Variants in ACTR6 observed in about 807,000 individuals in gnomAD.
ACTR6 encodes actin related protein 6.
In ACTR6, 50 loss-of-function variants were observed where a neutral mutation model predicts 52.5. The ratio of observed to expected loss-of-function variants is 0.95; its 90% confidence interval spans 0.76 to 1.20. ACTR6 has a LOEUF of 1.20. Among genes scored for constraint, ACTR6 ranks in the 50% most tolerant of loss-of-function variants. The pLI is 0.00. For synonymous variants in ACTR6, 135 were observed against 147.2 expected (o/e 0.92, Z 0.60); for missense variants, 344 against 472.4 (o/e 0.73, Z 2.52).
Position 100,220,164 on chromosome 12 carries a change from T to C in ACTR6, c.1061+18T>C. 1.2e-6 allele frequency: 2 copies of C among 1,603,528 alleles called. No homozygotes were observed. The highest frequency in any genetic ancestry group is 1.7e-6 in the Non-Finnish European group (2 of 1,173,196). On this transcript the variant is annotated intron_variant, in intron 10 of 10. Coordinates refer to ENST00000188312, the MANE Select transcript of ACTR6 (RefSeq NM_022496.5). ...CCTGAAAAGTAAGTGTTGTTTTATA[T>C]AGAAACGAAACATGGAAGTCCACAT...
intron 1 of ACTR6, 200 bp downstream of exon 1, chr12:100,201,119 G>T (rs1366157455): frequency 5.9e-6 from 8 of 1,355,474 alleles, no homozygotes; most frequent in Non-Finnish European, 7.8e-6. Context: ...TGGGCTGCGA[G>T]GCCCCGGAAG....
At chr12:100,213,798 G>A (rs78126193) in intron 8 of ACTR6, among the ~76,000 whole-genome samples, 5,395 of 152,258 alleles carry the variant, frequency 0.035, 125 homozygotes, top group South Asian at 0.073. Flanking sequence ...AATTACTTCT[G>A]TGGTTAGGTA....
At position 100,207,778 on chromosome 12, in the gene ACTR6, G is replaced by T; in HGVS notation, c.371G>T (p.Arg124Ile). 1.3e-6 allele frequency: 2 copies of T among 1,596,392 alleles called. No individual in the cohort carries two copies. The highest frequency in any genetic ancestry group is 1.7e-6 in the Non-Finnish European group (2 of 1,167,424). The change falls in exon 4 of 11, where the codon AGA becomes ATA. Residue 124 changes from arginine to isoleucine, a missense_variant. Coordinates refer to ENST00000188312, the MANE Select transcript of ACTR6 (RefSeq NM_022496.5). ...GAATACCAGTTTCAAGCAGTATTAA[G>T]AGTAAATGGTGAGTTCAAGTTTTCA... ...FEEYQFQAVL[R>I]VNAGALSAHR...
At chr12:100,214,829 T>C in intron 8 of ACTR6, among the ~76,000 whole-genome samples, 1 of 152,134 alleles carries the variant, frequency 6.6e-6, no homozygotes, top group South Asian at 2.1e-4. Context: ...AGATAGATGA[T>C]GGGATAAGGT....
chr12:100,210,939 A>G (rs1015136697), intron 6 of ACTR6, among the ~76,000 whole-genome samples: 2 of 152,036 alleles, frequency 1.3e-5, no homozygotes, highest in Non-Finnish European at 2.9e-5. Context: ...GGCAACTACT[A>G]ATTGGCTTTC....
intron 1 of ACTR6, 39 bp downstream of exon 1, chr12:100,200,958 C>T: frequency 6.2e-7 from 1 of 1,613,614 alleles, no homozygotes; most frequent in Non-Finnish European, 8.5e-7. Context: ...GATATATACG[C>T]CTAGTGGTTT....
intron 8 of ACTR6, among the ~76,000 whole-genome samples, chr12:100,215,176 C>T (rs1032025608): frequency 6.6e-6 from 1 of 152,132 alleles, no homozygotes; most frequent in African/African-American, 2.4e-5. Context: ...AACCTGTATC[C>T]GTGTTCTCAG....
At chr12:100,214,446 A>ATCCTTAT (rs2096122374) in intron 8 of ACTR6, among the ~76,000 whole-genome samples, 1 of 151,906 alleles carries the variant, frequency 6.6e-6, no homozygotes, top group Non-Finnish European at 1.5e-5. Flanking sequence ...TTAGAAACAG[A>ATCCTTAT]TCCTTATGGC....
intron 1 of ACTR6, 113 bp downstream of exon 1, chr12:100,201,032 A>G: frequency 6.4e-7 from 1 of 1,571,568 alleles, no homozygotes; most frequent in Non-Finnish European, 8.6e-7. Context: ...GCCCTGACTT[A>G]GCCAGAGGGA....
rs2096125552 is a variant in ACTR6 at position 100,218,480 on chromosome 12, TGA to T, written c.821_822del (p.Arg274IlefsTer9). 6.2e-7 allele frequency: 1 copy of T among 1,608,812 alleles called. No homozygotes were observed. Among genetic ancestry groups the T allele is most frequent in the South Asian group, 1.1e-5 (1 of 90,552 alleles). On this transcript the variant is annotated frameshift_variant, in exon 9 of 11. Coordinates refer to ENST00000188312, the MANE Select transcript of ACTR6 (RefSeq NM_022496.5). LOFTEE classifies it high-confidence loss of function. This position sits in a 1 kb window ranked among gnomAD's most constrained non-coding sequence, Gnocchi z 4.2. ...GGGAACAAATTCTTCGTTTGGCCAATGAGAGATTTGCTGTTCCGGAAATACTC... is the reference window on the plus strand; with the variant it reads ...GGGAACAAATTCTTCGTTTGGCCAATGAGATTTGCTGTTCCGGAAATACTC... ...SGEQILRLAN[E>X]RFAVPEILFN...
chr12:100,205,782 T>C, intron 3 of ACTR6, 38 bp downstream of exon 3: 2 of 1,158,032 alleles, frequency 1.7e-6, no homozygotes, highest in Admixed American at 2.7e-5. Context: ...TCTATTTCCA[T>C]GTTTAATTGT....
chr12:100,216,499 C>T (rs2096124046), intron 8 of ACTR6, among the ~76,000 whole-genome samples: 1 of 152,190 alleles, frequency 6.6e-6, no homozygotes. Context: ...GGCTTTAGTG[C>T]TAACATTTAA....
At chr12:100,201,123 CCG>C in intron 1 of ACTR6, 1 of 1,341,620 alleles carries the variant, frequency 7.5e-7, no homozygotes, top group Non-Finnish European at 9.8e-7. Context: ...CTGCGAGGCC[CCG>C]GAAGTGGGAT....
chr12:100,210,213 G>C lies in ACTR6; in HGVS notation c.515+5G>C. On this transcript the variant is annotated splice_donor_5th_base_variant and intron_variant, in intron 5 of 10. Transcript: ENST00000188312. The stretch of plus-strand genomic sequence containing the variant: ...GAAAAAAGAAGCAATTATTCGGTGA[G>C]TTGTATTTAATTTTCATGTTGTTTC... 1 of 1,602,862 alleles carries C rather than the reference G, an allele frequency of 6.2e-7. No homozygotes were observed. The highest frequency in any genetic ancestry group is 8.5e-7 in the Non-Finnish European group (1 of 1,172,954).
intron 1 of ACTR6, among the ~76,000 whole-genome samples, chr12:100,203,179 C>T (rs537993044): frequency 6.6e-6 from 1 of 152,300 alleles, no homozygotes; most frequent in East Asian, 1.9e-4. Context: ...CTGGTGCTCA[C>T]CTCTTGCTAT....
rs2096109706 is a variant in ACTR6, at chr12:100,201,560, T to C, written c.68+641T>C. Among the ~76,000 whole-genome samples the C allele has an allele frequency of 2.6e-5, 4 of 152,382 alleles. 1 individual carries two copies. The South Asian group carries it at 8.3e-4, about 32-fold the overall frequency. ...TCCTTCCTCCCTCCTTTCCTTCTTT[T>C]TCATTTCTTTTGAAACAGAAATGAA... On this transcript the variant is annotated intron_variant, in intron 1 of 10. Transcript: ENST00000188312.
At position 100,200,868 on chromosome 12, in the gene ACTR6, T is replaced by G; in HGVS notation, c.17T>G (p.Leu6Arg). The G allele has an allele frequency of 6.2e-7, 1 of 1,614,136 alleles. No homozygotes were observed. The highest frequency in any genetic ancestry group is 1.1e-5 in the South Asian group (1 of 91,084). The change falls in exon 1 of 11, where the codon CTG becomes CGG. Residue 6 changes from leucine to arginine, a missense_variant. Leu to Arg is a moderately radical substitution (Grantham distance 102). Coordinates refer to ENST00000188312, the MANE Select transcript of ACTR6 (RefSeq NM_022496.5). MTTLV[L>R]DNGAYNAKIG... ...GGTGGTGAGATGACGACCTTAGTGC[T>G]GGATAATGGAGCTTACAACGCCAAA...
At chr12:100,215,545 C>CAGGATA (rs2153900676) in intron 8 of ACTR6, among the ~76,000 whole-genome samples, 2 of 152,294 alleles carry the variant, frequency 1.3e-5, no homozygotes, top group African/African-American at 4.8e-5. Flanking sequence ...TTCATTTACT[C>CAGGATA]AGGATACACT....
intron 4 of ACTR6, chr12:100,208,995 C>T (rs2096117556): frequency 3.1e-6 from 1 of 324,396 alleles, no homozygotes. Flanking sequence ...CATCTTCCCG[C>T]CTTGGCCTCC....
Sources: allele counts gnomAD v4.1 joint callset (sites outside exome capture counted in the v4.1 genomes callset), GRCh38; gene constraint gnomAD v4.1.1; non-coding constraint Gnocchi (gnomAD v3.1); transcripts MANE v1.5; gene names NCBI Gene and HGNC (gene_info 2026-07-23, HGNC 2026-07-21).